Variants in POLG2 observed in about 807,000 individuals in gnomAD.
POLG2 encodes DNA polymerase subunit gamma-2.
In POLG2, 50 loss-of-function variants were observed where a neutral mutation model predicts 56.5. The ratio of observed to expected loss-of-function variants is 0.88; its 90% confidence interval spans 0.71 to 1.12. The LOEUF is 1.12. POLG2 is among the 50% of genes most tolerant of loss of function. POLG2 has a pLI of 0.00. For synonymous variants in POLG2, 226 were observed against 222.6 expected (o/e 1.02, Z -0.14); for missense variants, 584 against 583.3 (o/e 1.00, Z -0.01).
chr17:64,494,305 T>C (rs996912986), intron 1 of POLG2, among the ~76,000 whole-genome samples: 3 of 152,188 alleles, frequency 2.0e-5, no homozygotes, highest in South Asian at 4.1e-4. Flanking sequence ...GTGTATCTTA[T>C]TGCATCATAA....
intron 1 of POLG2, among the ~76,000 whole-genome samples, chr17:64,494,266 T>C (rs1391154647): frequency 5.3e-5 from 8 of 152,220 alleles, no homozygotes; most frequent in African/African-American, 1.9e-4. Flanking sequence ...CGGCTAATCA[T>C]TTTTAGCAAA....
At chr17:64,489,323 C>A (rs1281657561) in intron 4 of POLG2, among the ~76,000 whole-genome samples, 5 of 144,334 alleles carry the variant, frequency 3.5e-5, no homozygotes, top group East Asian at 2.0e-4. Context: ...TATTGCTGAC[C>A]AGTAAATCTA....
intron 4 of POLG2, among the ~76,000 whole-genome samples, 174 bp from the exon 5 acceptor site, chr17:64,486,042 G>A (rs997680073): frequency 6.6e-6 from 1 of 152,062 alleles, no homozygotes; most frequent in African/African-American, 2.4e-5. Flanking sequence ...TCAGCCTCCT[G>A]AGTACATATT....
chr17:64,491,844 A>G (rs1034831524), intron 3 of POLG2: 16 of 402,538 alleles, frequency 4.0e-5, no homozygotes, highest in Middle Eastern at 7.4e-4. Flanking sequence ...CCCCTCCATA[A>G]GCAACACAAT....
intron 3 of POLG2, chr17:64,491,669 C>A: frequency 7.8e-7 from 1 of 1,288,204 alleles, no homozygotes; most frequent in African/African-American, 1.5e-5. Context: ...ACAACAAGTA[C>A]ATCAACGTGA....
At chr17:64,487,391 AT>A (rs1447707022) in intron 4 of POLG2, 3 of 152,200 alleles carry the variant, frequency 2.0e-5, no homozygotes, top group African/African-American at 7.2e-5. Context: ...TGGTGGACGA[AT>A]CACTTGAGTT....
At chr17:64,486,454 C>T (rs560992044) in intron 4 of POLG2, among the ~76,000 whole-genome samples, 188 of 151,932 alleles carry the variant, frequency 1.2e-3, no homozygotes, top group Non-Finnish European at 2.0e-3. Context: ...CTCTGCCACC[C>T]GGGTTCAAGT....
intron 5 of POLG2, among the ~76,000 whole-genome samples, chr17:64,483,533 T>C (rs1555666915): frequency 2.0e-5 from 3 of 147,072 alleles, no homozygotes; most frequent in Non-Finnish European, 4.5e-5. Flanking sequence ...AAAAAACAAA[T>C]TAACTTGAGA....
intron 7 of POLG2, among the ~76,000 whole-genome samples, chr17:64,478,650 C>T (rs1213474330): frequency 6.6e-6 from 1 of 152,156 alleles, no homozygotes; most frequent in Non-Finnish European, 1.5e-5. Flanking sequence ...GTAATCCCAG[C>T]ACTTTGGGAG....
At chr17:64,495,649 CATATT>C (rs2038138593) in intron 1 of POLG2, among the ~76,000 whole-genome samples, 1 of 152,148 alleles carries the variant, frequency 6.6e-6, no homozygotes, top group African/African-American at 2.4e-5. Flanking sequence ...CCTTCTTTTA[CATATT>C]ATCTCTTCTT....
chr17:64,479,184 TTTTTTTTTTTTTTTTTTGAG>T (rs2037816831), intron 7 of POLG2, among the ~76,000 whole-genome samples: 1 of 116,944 alleles, frequency 8.6e-6, no homozygotes, highest in African/African-American at 4.0e-5. Flanking sequence ...CTGAAAGGTG[TTTTTTTTTTTTTTTTTTGAG>T]AAGGAGTCTC....
chr17:64,487,683 CA>C (rs2037982524), intron 4 of POLG2, among the ~76,000 whole-genome samples: 1 of 141,794 alleles, frequency 7.1e-6, no homozygotes, highest in Non-Finnish European at 1.5e-5. Context: ...TTGAATCAAA[CA>C]AAATCTAAAT....
chr17:64,489,539 T>C (rs2038020082), intron 4 of POLG2, among the ~76,000 whole-genome samples: 1 of 151,198 alleles, frequency 6.6e-6, no homozygotes, highest in Admixed American at 6.6e-5. Flanking sequence ...GGCAGGGGGA[T>C]TGTTTCATCC....
chr17:64,491,401 C>T (rs2038055834), intron 3 of POLG2: 2 of 642,692 alleles, frequency 3.1e-6, no homozygotes, highest in Non-Finnish European at 5.2e-6. Context: ...TCGAGACCAG[C>T]CTGGGTAACA....
At chr17:64,492,453 AT>A (rs1206859317) in intron 3 of POLG2, among the ~76,000 whole-genome samples, 1 of 152,260 alleles carries the variant, frequency 6.6e-6, no homozygotes, top group Non-Finnish European at 1.5e-5. Flanking sequence ...AGAAAGGCTA[AT>A]TAACAAACAC....
Position 64,496,663 on chromosome 17 carries a change from C to T in POLG2, c.306G>A (p.Leu102=), listed in dbSNP as rs576236907. 5.6e-6 allele frequency: 9 copies of T among 1,613,992 alleles called. No individual in the cohort carries two copies. Among genetic ancestry groups the T allele is most frequent in the East Asian group, 4.5e-5 (2 of 44,870 alleles). ...LSGCHPGFGP[L]GVELRKNLAA... ...CCAGGTTCTTCCGCAACTCTACGCC[C>T]AAGGGTCCGAAGCCGGGGTGGCACC... Residue 102 remains leucine, a synonymous_variant, in exon 1 of 8, where the codon TTG becomes TTA. Transcript: ENST00000539111.
intron 7 of POLG2, among the ~76,000 whole-genome samples, chr17:64,478,435 G>A (rs952801383): frequency 2.0e-5 from 3 of 152,118 alleles, no homozygotes; most frequent in Non-Finnish European, 4.4e-5. Flanking sequence ...CTAGCTTATA[G>A]CTTCTAGTTC....
intron 6 of POLG2, chr17:64,481,477 C>T: frequency 1.2e-6 from 1 of 868,332 alleles, no homozygotes; most frequent in Non-Finnish European, 1.4e-6. Flanking sequence ...TCCCCCATGG[C>T]CTTTCTTAAG....
chr17:64,493,279 ATGGT>A lies in POLG2; in HGVS notation c.563-262_563-259del, dbSNP rs1215105514. Among the ~76,000 whole-genome samples, 138 of 152,160 alleles carry A rather than the reference ATGGT, an allele frequency of 9.1e-4. 1 individual carries two copies. The highest frequency in any genetic ancestry group is 4.4e-5 in the Non-Finnish European group (3 of 68,000). Reference sequence around the variant, plus strand: ...AAAAATATACAAAAATAAGCCAGGCATGGTGGTGTGTGCCTTGTAGTCCCAGCTA... The same window carrying A: ...AAAAATATACAAAAATAAGCCAGGCAGGTGTGTGCCTTGTAGTCCCAGCTA... On this transcript the variant is annotated intron_variant, in intron 1 of 7. Coordinates refer to ENST00000539111, the MANE Select transcript of POLG2 (RefSeq NM_007215.4).
Sources: gnomAD v4.1 joint callset for allele counts (sites outside exome capture counted in the v4.1 genomes callset) on GRCh38, gnomAD v4.1.1 for gene constraint, MANE v1.5 for transcripts, NCBI Gene and HGNC (gene_info 2026-07-23, HGNC 2026-07-21) for gene names.